Variants in ITGA5 observed in about 807,000 individuals in gnomAD.
ITGA5 encodes integrin alpha-5.
In ITGA5, 55 loss-of-function variants were observed where a neutral mutation model predicts 146.3. The ratio of observed to expected loss-of-function variants is 0.38; its 90% CI spans 0.30 to 0.47. ITGA5 has a LOEUF of 0.47. Among genes scored for constraint, ITGA5 ranks in the 20% least tolerant of loss-of-function variants. ITGA5 has a pLI of 0.99. For synonymous variants in ITGA5, 500 were observed against 531.8 expected, an observed-to-expected ratio of 0.94 and a Z score of 0.82; for missense variants, 1,131 against 1,329.0, an observed-to-expected ratio of 0.85 and a Z score of 2.32.
intron 2 of ITGA5, 59 bp downstream of exon 2, chr12:54,411,775 G>T: frequency 7.1e-7 from 1 of 1,400,688 alleles, no homozygotes; most frequent in African/African-American, 1.5e-5. Context: ...CCCCACCCAG[G>T]CCTTGCCCCC....
rs1592282020 is a variant in ITGA5, at chr12:54,396,358, A to G, written c.3085T>C (p.Ser1029Pro). The change falls in exon 30 of 30, where the codon TCC becomes CCC. Residue 1029 changes from serine (S) to proline (P), a missense_variant. By Grantham distance (74) the Ser-to-Pro change is moderately conservative (BLOSUM62 -1). This residue lies in a region of ITGA5 where 889 missense variants were observed against 1,021.5 expected (regional missense o/e 0.87). Coordinates refer to ENST00000293379, the MANE Select transcript of ITGA5 (RefSeq NM_002205.5). ...ILYKLGFFKR[S>P]LPYGTAMEKA... ...TCCATGGCGGTGCCATATGGGAGGGAGCGTTTGAAGAATCCAAGCTGATAA... is the reference window on the plus strand; with the variant it reads ...TCCATGGCGGTGCCATATGGGAGGGGGCGTTTGAAGAATCCAAGCTGATAA... 1 of 1,613,846 alleles carries G rather than the reference A, an allele frequency of 6.2e-7. No homozygotes were observed. Among genetic ancestry groups the G allele is most frequent in the South Asian group, 1.1e-5 (1 of 91,070 alleles).
chr12:54,411,836 T>C lies in ITGA5; in HGVS notation c.347A>G (p.Lys116Arg), dbSNP rs1440912539. The change falls in exon 2 of 30, where the codon AAA (lysine) becomes AGA (arginine). Residue 116 changes from lysine to arginine, a missense_variant and splice_region_variant. By Grantham distance (26) the Lys-to-Arg change is conservative. Transcript: ENST00000293379. The stretch of plus-strand genomic sequence containing the variant: ...CTCCCTGAATTTCACTGGCCTACCT[T>C]TGCTGTCAAATTCAATGGGGGTGCA... ...TQCTPIEFDS[K>R]GSRLLESSLS... 6 of 1,506,946 alleles carry C rather than the reference T, an allele frequency of 4.0e-6. No individual in the cohort carries two copies. Among genetic ancestry groups the C allele is most frequent in the Admixed American group, 2.2e-5 (1 of 46,398 alleles). 93.3% of individuals were successfully genotyped at this position (1,506,946 alleles called of 1,614,324 possible).
intron 28 of ITGA5, among the ~76,000 whole-genome samples, chr12:54,398,396 C>T (rs188457023): frequency 9.8e-5 from 15 of 152,326 alleles, no homozygotes; most frequent in South Asian, 4.1e-4. Context: ...TGTTGTTCCA[C>T]GAGACTGTGA....
At chr12:54,414,574 C>T (rs1395422548) in intron 1 of ITGA5, among the ~76,000 whole-genome samples, 5 of 152,120 alleles carry the variant, frequency 3.3e-5, no homozygotes, top group African/African-American at 7.2e-5. Context: ...GCGCCAGGTG[C>T]GGTGGCTCAC....
chr12:54,404,681 A>C, intron 13 of ITGA5, 22 bp downstream of exon 13: 1 of 1,602,902 alleles, frequency 6.2e-7, no homozygotes, highest in Non-Finnish European at 8.5e-7. Flanking sequence ...TAAGGTGAAA[A>C]GGGGCCTCAG....
chr12:54,405,834 A>AGGCCAAGCTGGGGTGG, intron 10 of ITGA5, 36 bp downstream of exon 10: 3 of 1,608,902 alleles, frequency 1.9e-6, no homozygotes, highest in Non-Finnish European at 2.6e-6. Flanking sequence ...TCGTTGACAG[A>AGGCCAAGCTGGGGTGG]GGCCAAGCTG....
chr12:54,407,725 G>A, intron 8 of ITGA5, 33 bp from the exon 9 acceptor site: 1 of 1,610,454 alleles, frequency 6.2e-7, no homozygotes. Context: ...TGACCTAAGG[G>A]TGGGGAAAGG....
At chr12:54,411,101 A>T (rs1026100351) in intron 2 of ITGA5, among the ~76,000 whole-genome samples, 11 of 152,106 alleles carry the variant, frequency 7.2e-5, no homozygotes, top group Non-Finnish European at 1.5e-5. Context: ...GGACCAAGTG[A>T]TCCTCCTGCC....
intron 7 of ITGA5, 73 bp from the exon 8 acceptor site, chr12:54,407,949 C>A (rs1366550147): frequency 6.6e-7 from 1 of 1,520,612 alleles, no homozygotes. Flanking sequence ...TCCACCAATC[C>A]CTTCCCCACC....
rs1386196996 is a variant in ITGA5 at position 54,397,394 on chromosome 12, G to A, written c.3037C>T (p.Leu1013=). 3 of 1,613,994 alleles carry A rather than the reference G, an allele frequency of 1.9e-6. No homozygotes were observed. Among genetic ancestry groups the A allele is most frequent in the East Asian group, 2.2e-5 (1 of 44,888 alleles). Residue 1013 remains leucine, a synonymous_variant, in exon 29 of 30, where the codon CTA becomes TTA. Transcript: ENST00000293379. ...ILAILFGLLL[L]GLLIYILYKL... is the part of the protein sequence containing the mutation. ...TAGAGGATGTAGATGAGTAGACCTA[G>A]GAGCAGGAGGCCAAACAGGATGGCT...
Position 54,412,871 on chromosome 12 carries a change from G to A in ITGA5, c.219-907C>T, listed in dbSNP as rs141361265. On this transcript the variant is annotated intron_variant, in intron 1 of 29. Coordinates refer to ENST00000293379, the MANE Select transcript of ITGA5 (RefSeq NM_002205.5). ...TCTTGGTTTCCCCTAAGGGTCTCCTGCCAGGACTTGTATCTGGCAGCCTGG... is the reference window on the plus strand; with the variant it reads ...TCTTGGTTTCCCCTAAGGGTCTCCTACCAGGACTTGTATCTGGCAGCCTGG... Among the ~76,000 whole-genome samples, 172 of 152,178 alleles carry A rather than the reference G, an allele frequency of 1.1e-3. No individual in the cohort carries two copies. The East Asian group carries it at 0.019, about 16-fold the overall frequency.
intron 19 of ITGA5, 77 bp from the exon 20 acceptor site, chr12:54,402,407 TA>T: frequency 2.2e-6 from 3 of 1,390,886 alleles, no homozygotes; most frequent in Non-Finnish European, 3.0e-6. Context: ...ATAAGAGTAG[TA>T]ATACGAGGCC....
chr12:54,407,545 C>T (rs1319282648), intron 9 of ITGA5, 104 bp downstream of exon 9: 1 of 918,574 alleles, frequency 1.1e-6, no homozygotes, highest in Non-Finnish European at 1.8e-6. Flanking sequence ...GCCTCCAGAG[C>T]CCATGTTCTG....
chr12:54,406,205 C>T (rs1194865686), intron 9 of ITGA5: 1 of 515,174 alleles, frequency 1.9e-6, no homozygotes, highest in African/African-American at 1.9e-5. Context: ...AATGTAAGAT[C>T]AATAGGGGCA....
chr12:54,396,881 C>T (rs1955717290), intron 29 of ITGA5, among the ~76,000 whole-genome samples: 1 of 152,078 alleles, frequency 6.6e-6, no homozygotes, highest in South Asian at 2.1e-4. Flanking sequence ...AGACAAGGTC[C>T]TAGTGTGTTA....
rs1955907362 is a variant in ITGA5, at chr12:54,409,145, G to C, written c.583+87C>G. ...AACCTAGAACCTCATGGGGGCACAT[G>C]GTAGGTGCGAGTCAACCCTAAGTAT... is the stretch of plus-strand genomic sequence containing the variant. On this transcript the variant is annotated intron_variant, in intron 4 of 29. Coordinates refer to ENST00000293379, the MANE Select transcript of ITGA5 (RefSeq NM_002205.5). The surrounding 1 kb of genome is among the most constrained non-coding windows in gnomAD (Gnocchi z 4.7). The C allele has an allele frequency of 6.6e-7, 1 of 1,524,584 alleles. No individual in the cohort carries two copies. Among genetic ancestry groups the C allele is most frequent in the Admixed American group, 1.9e-5 (1 of 52,802 alleles). The allele number at this position is 1,524,584 out of a possible 1,614,324, so 94.4% of individuals were successfully genotyped here.
chr12:54,418,208 C>T (rs551130672), intron 1 of ITGA5, among the ~76,000 whole-genome samples: 2 of 152,020 alleles, frequency 1.3e-5, no homozygotes, highest in African/African-American at 2.4e-5. Context: ...CGCCCACCCC[C>T]CTTCACGCGC....
intron 12 of ITGA5, 96 bp from the exon 13 acceptor site, chr12:54,404,990 C>T (rs1955844198): frequency 1.6e-6 from 2 of 1,234,686 alleles, no homozygotes; most frequent in Admixed American, 2.8e-5. Flanking sequence ...CTATTTTTTC[C>T]CATCTGTCAG....
Position 54,399,902 on chromosome 12 carries a change from G to A in ITGA5, c.2689C>T (p.Pro897Ser). Reference protein sequence around the residue: ...SLHHQQKREAPSRSSASSGPQ... With the variant: ...SLHHQQKREASSRSSASSGPQ... ...CCCGAGGAAGCAGAGCTGCGGCTTGGAGCTTCCCGTTTTTGCTGGTGGTGC... is the reference window on the plus strand; with the variant it reads ...CCCGAGGAAGCAGAGCTGCGGCTTGAAGCTTCCCGTTTTTGCTGGTGGTGC... Residue 897 changes from proline (P) to serine (S), a missense_variant, in exon 26 of 30, where the codon CCA becomes TCA. Around this residue, in one of 3 missense-constraint regions of ITGA5, gnomAD observed 889 missense variants for 1,021.5 expected, o/e 0.87. Transcript: ENST00000293379. 1.2e-6 allele frequency: 2 copies of A among 1,614,192 alleles called. No homozygotes were observed. The highest frequency in any genetic ancestry group is 2.2e-5 in the East Asian group (1 of 44,888).
Sources: gnomAD v4.1 joint callset for allele counts (sites outside exome capture counted in the v4.1 genomes callset) on GRCh38, gnomAD v4.1.1 for gene constraint, gnomAD v4.1.1 regional missense constraint, Gnocchi (gnomAD v3.1) non-coding constraint, MANE v1.5 for transcripts, NCBI Gene and HGNC (gene_info 2026-07-23, HGNC 2026-07-21) for gene names.